The following APOF variants were observed in gnomAD, a reference collection of about 807,000 sequenced individuals.
The protein encoded by APOF is lipid transfer inhibitor protein.
APOF carries 2 observed loss-of-function variants against 2.4 expected under a neutral mutation model. The ratio of observed to expected loss-of-function variants is 0.83; its 90% CI spans 0.34 to 2.61. The LOEUF is 2.61. Ranked by LOEUF, APOF falls within the 30% of genes most tolerant of loss-of-function variation. APOF has a pLI of 0.11. For synonymous variants in APOF, 149 were observed against 155.6 expected (o/e 0.96, Z 0.32); for missense variants, 370 against 388.7 (o/e 0.95, Z 0.40).
At position 56,361,993 on chromosome 12, in the gene APOF, C is replaced by T. The variant is rs1336729832; in HGVS notation, c.213G>A (p.Lys71=). 1 of 1,613,980 alleles carries T rather than the reference C, an allele frequency of 6.2e-7. No homozygotes were observed. Among genetic ancestry groups the T allele is most frequent in the African/African-American group, 1.3e-5 (1 of 75,036 alleles). Residue 71 remains lysine, a synonymous_variant, in exon 2 of 2, where the codon AAG becomes AAA. Coordinates refer to ENST00000398189, the MANE Select transcript of APOF (RefSeq NM_001638.4). Reference sequence around the variant, plus strand: ...CCATGTGGCTGAAACCAGGCAGTGACTTTGGGTGCAGAAATTGGCAGGACA... The same window carrying T: ...CCATGTGGCTGAAACCAGGCAGTGATTTTGGGTGCAGAAATTGGCAGGACA... ...DPLSCQFLHP[K]SLPGFSHMAP... is the part of the protein sequence containing the mutation.
In APOF at chr12:56,362,098, G is replaced by A. The variant is rs975646932; in HGVS notation, c.108C>T (p.Ala36=). Residue 36 remains alanine (A), a synonymous_variant, in exon 2 of 2, where the codon GCC becomes GCT. Coordinates refer to ENST00000398189, the MANE Select transcript of APOF (RefSeq NM_001638.4). ...LCYLLLHPVD[A]TSYGKQTNVL... is the part of the protein sequence containing the mutation. ...CATTTGTCTGCTTTCCATATGAAGT[G>A]GCATCCACAGGGTGCAGCAGGAGGT... 4 of 1,613,882 alleles carry A rather than the reference G, an allele frequency of 2.5e-6. No homozygotes were observed. In the African/African-American group the frequency reaches 5.3e-5, roughly 22 times the overall value.
chr12:56,361,500 G>C lies in APOF; in HGVS notation c.706C>G (p.Pro236Ala). ...GCAGCACTGATCGCTAGACCCATAG[G>C]CCCCCCTGACATCCCAGCCATGGTC... ...LMTMAGMSGGPMGLAISAALK... is the reference protein window; with the variant it reads ...LMTMAGMSGGAMGLAISAALK... Residue 236 changes from proline (P) to alanine (A), a missense_variant, in exon 2 of 2, where the codon CCT becomes GCT. Physicochemically the swap from Pro to Ala is conservative, Grantham distance 27. Transcript: ENST00000398189. The C allele has an allele frequency of 6.2e-7, 1 of 1,613,944 alleles. No homozygotes were observed. The highest frequency in any genetic ancestry group is 1.1e-5 in the South Asian group (1 of 91,070).
At position 56,361,947 on chromosome 12, in the gene APOF, C is replaced by A; in HGVS notation, c.259G>T (p.Val87Leu). 1 of 1,614,016 alleles carries A rather than the reference C, an allele frequency of 6.2e-7. No individual in the cohort carries two copies. Among genetic ancestry groups the A allele is most frequent in the Non-Finnish European group, 8.5e-7 (1 of 1,179,884 alleles). Residue 87 changes from valine (V) to leucine (L), a missense_variant, in exon 2 of 2, where the codon GTA becomes TTA. Coordinates refer to ENST00000398189, the MANE Select transcript of APOF (RefSeq NM_001638.4). ...SHMAPLPKFLVSLALRNALEE... is the reference protein window; with the variant it reads ...SHMAPLPKFLLSLALRNALEE... ...AGGGCATTCCTTAGAGCCAGGCTTA[C>A]CAAGAACTTGGGTAGAGGGGCCATG...
In APOF at chr12:56,361,604, T is replaced by C. The variant is rs1001608340; in HGVS notation, c.602A>G (p.Tyr201Cys). The C allele has an allele frequency of 6.2e-7, 1 of 1,614,026 alleles. No individual in the cohort carries two copies. The highest frequency in any genetic ancestry group is 2.2e-5 in the East Asian group (1 of 44,890). The change falls in exon 2 of 2, where the codon TAT becomes TGT. Residue 201 changes from tyrosine (Y) to cysteine (C), a missense_variant. Coordinates refer to ENST00000398189, the MANE Select transcript of APOF (RefSeq NM_001638.4). The stretch of plus-strand genomic sequence containing the variant: ...CTTGCCCAGGCAGTTTTGAGTAGCA[T>C]AATACAAAGCTGTGCCCAGGTTGTA... ...TFYNLGTALYYATQNCLGKAR... is the reference protein window; with the variant it reads ...TFYNLGTALYCATQNCLGKAR...
In APOF at chr12:56,361,665, T is replaced by C. The variant is rs747291792; in HGVS notation, c.541A>G (p.Asn181Asp). The change falls in exon 2 of 2, where the codon AAT becomes GAT. Residue 181 changes from asparagine (N) to aspartate (D), a missense_variant. Asn to Asp is a conservative substitution (Grantham distance 23). Transcript: ENST00000398189. ...CENEKEQAVHNVVQLLPGVGT... is the reference protein window; with the variant it reads ...CENEKEQAVHDVVQLLPGVGT... ...ACTCCTGGCAGCAGCTGGACTACAT[T>C]GTGCACAGCTTGCTCCTTCTCATTC... The C allele has an allele frequency of 1.2e-6, 2 of 1,612,386 alleles. No individual in the cohort carries two copies. Among genetic ancestry groups the C allele is most frequent in the Non-Finnish European group, 8.5e-7 (1 of 1,179,206 alleles).
rs1177151736 is a variant in APOF at position 56,361,865 on chromosome 12, T to C, written c.341A>G (p.Gln114Arg). 6.2e-7 allele frequency: 1 copy of C among 1,613,622 alleles called. No individual in the cohort carries two copies. The highest frequency in any genetic ancestry group is 2.2e-5 in the East Asian group (1 of 44,896). ...VWALQLQLYR[Q>R]GGVNATQVLI... Reference sequence around the variant, plus strand: ...GACCTGTGTAGCATTCACACCACCCTGGCGGTAGAGCTGTAGCTGTAGAGC... The same window carrying C: ...GACCTGTGTAGCATTCACACCACCCCGGCGGTAGAGCTGTAGCTGTAGAGC... The change falls in exon 2 of 2, where the codon CAG becomes CGG. Residue 114 changes from glutamine (Q) to arginine (R), a missense_variant. Transcript: ENST00000398189.
In APOF at chr12:56,361,804, T is replaced by G. The variant is rs1880379939; in HGVS notation, c.402A>C (p.Arg134Ser). ...IQHLRGLQKG[R>S]STERNVSVEA... ...CCACTGACACGTTCCTCTCTGTGCT[T>G]CTGCCTTTCTGGAGCCCTCGAAGAT... The change falls in exon 2 of 2, where the codon AGA becomes AGC. Residue 134 changes from arginine to serine, a missense_variant. Coordinates refer to ENST00000398189, the MANE Select transcript of APOF (RefSeq NM_001638.4). The G allele has an allele frequency of 1.2e-6, 2 of 1,612,706 alleles. No individual in the cohort carries two copies. The highest frequency in any genetic ancestry group is 1.7e-6 in the Non-Finnish European group (2 of 1,179,438).
chr12:56,361,576 G>A lies in APOF; in HGVS notation c.630C>T (p.Ala210=). The part of the protein sequence containing the change: ...YYATQNCLGK[A]RERGRDGAID... Reference sequence around the variant, plus strand: ...TGGCCCCATCTCGGCCTCGTTCCCTGGCCTTGCCCAGGCAGTTTTGAGTAG... The same window carrying A: ...TGGCCCCATCTCGGCCTCGTTCCCTAGCCTTGCCCAGGCAGTTTTGAGTAG... The change falls in exon 2 of 2, where the codon GCC becomes GCT. Residue 210 remains alanine, a synonymous_variant. Transcript: ENST00000398189. 1 of 1,614,064 alleles carries A rather than the reference G, an allele frequency of 6.2e-7. No homozygotes were observed. Among genetic ancestry groups the A allele is most frequent in the Non-Finnish European group, 8.5e-7 (1 of 1,179,900 alleles).
Position 56,361,356 on chromosome 12 carries a change from C to A in APOF, c.850G>T (p.Val284Leu), listed in dbSNP as rs767537088. 1 of 1,613,956 alleles carries A rather than the reference C, an allele frequency of 6.2e-7. No homozygotes were observed. Among genetic ancestry groups the A allele is most frequent in the Non-Finnish European group, 8.5e-7 (1 of 1,179,904 alleles). Residue 284 changes from valine (V) to leucine (L), a missense_variant, in exon 2 of 2, where the codon GTG (valine) becomes TTG (leucine). Physicochemically the swap from Val to Leu is conservative, Grantham distance 32. Coordinates refer to ENST00000398189, the MANE Select transcript of APOF (RefSeq NM_001638.4). ...TKEGLRAISD[V>L]SDLEETTTLA... Reference sequence around the variant, plus strand: ...GTAGTTGTTTCTTCCAAGTCACTCACATCTGAGATGGCCCTCAAACCCTCC... The same window carrying A: ...GTAGTTGTTTCTTCCAAGTCACTCAAATCTGAGATGGCCCTCAAACCCTCC...
In APOF at chr12:56,362,162, A is replaced by G. The variant is rs1330639781; in HGVS notation, c.44T>C (p.Leu15Pro). The G allele has an allele frequency of 6.2e-7, 1 of 1,613,304 alleles. No individual in the cohort carries two copies. Among genetic ancestry groups the G allele is most frequent in the Non-Finnish European group, 8.5e-7 (1 of 1,179,846 alleles). The change falls in exon 2 of 2, where the codon CTC (leucine) becomes CCC (proline). Residue 15 changes from leucine to proline, a missense_variant. Leu to Pro is a moderately conservative substitution (Grantham distance 98). Coordinates refer to ENST00000398189, the MANE Select transcript of APOF (RefSeq NM_001638.4). The part of the protein sequence containing the change: ...CGYSAPDMRG[L>P]RLIMIPVELL... ...CTCAACTGGTATCATGATGAGTCTG[A>G]GGCCACGCATGTCTGGAGCAGAGTA... is the stretch of plus-strand genomic sequence containing the variant.
intron 1 of APOF, among the ~76,000 whole-genome samples, 169 bp from the exon 2 acceptor site, chr12:56,362,358 A>T (rs1395427739): frequency 6.6e-6 from 1 of 152,130 alleles, no homozygotes; most frequent in Non-Finnish European, 1.5e-5. Context: ...CAGTGATGGG[A>T]TCACAAATCA....
chr12:56,362,546 G>A (rs973015164), intron 1 of APOF, among the ~76,000 whole-genome samples, 184 bp downstream of exon 1: 7 of 152,090 alleles, frequency 4.6e-5, no homozygotes, highest in South Asian at 2.1e-4. Context: ...TTCCACCTCC[G>A]CCTCCCAAAG....
In APOF at chr12:56,361,715, C is replaced by T. The variant is rs781436193; in HGVS notation, c.491G>A (p.Arg164His). Residue 164 changes from arginine to histidine, a missense_variant, in exon 2 of 2, where the codon CGC becomes CAC. By Grantham distance (29) the Arg-to-His change is conservative. Coordinates refer to ENST00000398189, the MANE Select transcript of APOF (RefSeq NM_001638.4). Reference protein sequence around the residue: ...REQQSTGRVGRSLPTEDCENE... With the variant: ...REQQSTGRVGHSLPTEDCENE... ...CTCACAGTCCTCTGTCGGGAGGGAGCGCCCGACCCTTCCTGTGCTTTGCTG... is the reference window on the plus strand; with the variant it reads ...CTCACAGTCCTCTGTCGGGAGGGAGTGCCCGACCCTTCCTGTGCTTTGCTG... The T allele has an allele frequency of 3.1e-6, 5 of 1,609,324 alleles. No individual in the cohort carries two copies. Among genetic ancestry groups the T allele is most frequent in the Admixed American group, 3.4e-5 (2 of 59,044 alleles).
chr12:56,362,259 TA>T, intron 1 of APOF, 70 bp from the exon 2 acceptor site: 8 of 1,536,458 alleles, frequency 5.2e-6, no homozygotes, highest in Non-Finnish European at 7.0e-6. Context: ...AAGACTCAGT[TA>T]GGGGGACACC....
At position 56,360,688 on chromosome 12, in the gene APOF, AT is replaced by A. The variant is rs1880262509; in HGVS notation, c.*536del. 1 of 153,554 alleles carries A rather than the reference AT, an allele frequency of 6.5e-6. No homozygotes were observed. The highest frequency in any genetic ancestry group is 1.9e-4 in the South Asian group (1 of 5,148). The allele number at this position is 153,554 out of a possible 1,614,324, so 9.5% of individuals were successfully genotyped here. On this transcript the variant is annotated 3_prime_UTR_variant, in exon 2 of 2. Transcript: ENST00000398189. Reference sequence around the variant, plus strand: ...AGCCTCGACCTCCCAGGCTCAGGTGATTCTCCCGCCTCAGCCTCCCAGGTAG... The same window carrying A: ...AGCCTCGACCTCCCAGGCTCAGGTGATCTCCCGCCTCAGCCTCCCAGGTAG...
In APOF at chr12:56,361,681, C is replaced by G. The variant is rs769926915; in HGVS notation, c.525G>C (p.Lys175Asn). Reference sequence around the variant, plus strand: ...GGACTACATTGTGCACAGCTTGCTCCTTCTCATTCTCACAGTCCTCTGTCG... The same window carrying G: ...GGACTACATTGTGCACAGCTTGCTCGTTCTCATTCTCACAGTCCTCTGTCG... ...SLPTEDCENE[K>N]EQAVHNVVQL... The change falls in exon 2 of 2, where the codon AAG becomes AAC. Residue 175 changes from lysine (K) to asparagine (N), a missense_variant. Lys to Asn is a moderately conservative substitution (Grantham distance 94). Transcript: ENST00000398189. 9.3e-6 allele frequency: 15 copies of G among 1,611,582 alleles called. No homozygotes were observed. In the South Asian group the frequency reaches 1.2e-4, roughly 13 times the overall value.
rs760626683 is a variant in APOF at position 56,361,383 on chromosome 12, T to C, written c.823A>G (p.Lys275Glu). ...DANISQPETT[K>E]EGLRAISDVS... Reference sequence around the variant, plus strand: ...TCTGAGATGGCCCTCAAACCCTCCTTGGTGGTCTCCGGCTGAGAGATGTTT... The same window carrying C: ...TCTGAGATGGCCCTCAAACCCTCCTCGGTGGTCTCCGGCTGAGAGATGTTT... The change falls in exon 2 of 2, where the codon AAG becomes GAG. Residue 275 changes from lysine to glutamate, a missense_variant. Physicochemically the swap from Lys to Glu is moderately conservative, Grantham distance 56 (BLOSUM62 1). Coordinates refer to ENST00000398189, the MANE Select transcript of APOF (RefSeq NM_001638.4). The C allele has an allele frequency of 1.2e-6, 2 of 1,613,852 alleles. No individual in the cohort carries two copies. Among genetic ancestry groups the C allele is most frequent in the African/African-American group, 2.7e-5 (2 of 74,908 alleles).
chr12:56,362,069 A>C lies in APOF; in HGVS notation c.137T>G (p.Leu46Trp). The C allele has an allele frequency of 6.2e-7, 1 of 1,614,014 alleles. No homozygotes were observed. Among genetic ancestry groups the C allele is most frequent in the African/African-American group, 1.3e-5 (1 of 75,042 alleles). ...TTCCAAGGACAAGGGAAAGTGCATC[A>C]AGACATTTGTCTGCTTTCCATATGA... ...ATSYGKQTNVLMHFPLSLESQ... is the reference protein window; with the variant it reads ...ATSYGKQTNVWMHFPLSLESQ... Residue 46 changes from leucine to tryptophan, a missense_variant, in exon 2 of 2, where the codon TTG becomes TGG. Leu to Trp is a moderately conservative substitution (Grantham distance 61). Transcript: ENST00000398189.
Position 56,361,099 on chromosome 12 carries a change from A to G in APOF, c.*126T>C. 8.2e-7 allele frequency: 1 copy of G among 1,217,566 alleles called. No individual in the cohort carries two copies. Among genetic ancestry groups the G allele is most frequent in the Non-Finnish European group, 1.1e-6 (1 of 894,886 alleles). 75.4% of individuals were successfully genotyped at this position (1,217,566 alleles called of 1,614,324 possible). A position where few individuals can be genotyped will look rare whatever the true frequency, so the allele number is the denominator to read the frequency against. On this transcript the variant is annotated 3_prime_UTR_variant, in exon 2 of 2. Transcript: ENST00000398189. Reference sequence around the variant, plus strand: ...ACCAAACCCTGTGACTTCAACACCCAAACATTTACGTTCTTACGTTTTACT... The same window carrying G: ...ACCAAACCCTGTGACTTCAACACCCGAACATTTACGTTCTTACGTTTTACT...
Sources: allele counts gnomAD v4.1 joint callset (sites outside exome capture counted in the v4.1 genomes callset), GRCh38; gene constraint gnomAD v4.1.1; transcripts MANE v1.5; gene names NCBI Gene and HGNC (gene_info 2026-07-23, HGNC 2026-07-21).